OPCML: variants seen among roughly 807,000 people sequenced by gnomAD.
The protein encoded by OPCML is opioid-binding protein/cell adhesion molecule.
In OPCML, 13 loss-of-function variants were observed where a neutral mutation model predicts 37.8. The observed-to-expected ratio is 0.34, with a 90% CI of 0.22 to 0.55. OPCML has a LOEUF of 0.55. Among genes scored for constraint, OPCML ranks in the 20% least tolerant of loss-of-function variants. The probability of loss-of-function intolerance (pLI) is 0.91; values close to 1 mark genes in which losing one functional copy is unlikely to be tolerated. For missense variants in OPCML, 341 were observed against 435.6 expected, an observed-to-expected ratio of 0.78 and a Z score of 1.93; for synonymous variants, 176 against 168.8, an observed-to-expected ratio of 1.04 and a Z score of -0.33.
chr11:133,501,314 G>A (rs1056029248), intron 1 of OPCML, among the ~76,000 whole-genome samples: 1 of 152,130 alleles, frequency 6.6e-6, no homozygotes, highest in African/African-American at 2.4e-5. Flanking sequence ...TGCGGCTAGT[G>A]AAATCCAAAC....
intron 2 of OPCML, among the ~76,000 whole-genome samples, chr11:132,658,809 C>A (rs7102137): frequency 0.014 from 2,084 of 152,322 alleles, 35 homozygotes; most frequent in African/African-American, 0.036. Context: ...CCCAGCACCC[C>A]ATGGTGATTT....
chr11:132,880,142 T>C (rs929897639), intron 2 of OPCML, among the ~76,000 whole-genome samples: 1 of 152,206 alleles, frequency 6.6e-6, no homozygotes, highest in Non-Finnish European at 1.5e-5. Flanking sequence ...ACCTTCTCTC[T>C]TTCAGTTCTT....
At chr11:133,147,160 G>C (rs958857336) in intron 1 of OPCML, among the ~76,000 whole-genome samples, 1 of 152,172 alleles carries the variant, frequency 6.6e-6, no homozygotes, top group South Asian at 2.1e-4. Context: ...AGCTCTTCAG[G>C]GGGGTGTTCC....
At chr11:132,881,362 A>C (rs11223259) in intron 2 of OPCML, among the ~76,000 whole-genome samples, 7 of 152,200 alleles carry the variant, frequency 4.6e-5, no homozygotes, top group Non-Finnish European at 1.0e-4. Context: ...AGCCTCCAGG[A>C]TTGCAGGCCC....
chr11:132,437,510 C>T, intron 4 of OPCML, 151 bp from the exon 5 acceptor site: 3 of 1,446,432 alleles, frequency 2.1e-6, no homozygotes, highest in Non-Finnish European at 2.7e-6. Flanking sequence ...CATCATGTTG[C>T]TCAAAAGATA....
intron 2 of OPCML, among the ~76,000 whole-genome samples, chr11:132,679,235 C>A (rs1179123408): frequency 6.6e-6 from 1 of 152,076 alleles, no homozygotes; most frequent in Non-Finnish European, 1.5e-5. Context: ...CTCAGTAAGT[C>A]TATTCCTAGA....
intron 1 of OPCML, among the ~76,000 whole-genome samples, chr11:133,379,316 C>A (rs938130165): frequency 1.1e-4 from 17 of 152,174 alleles, no homozygotes; most frequent in African/African-American, 4.1e-4. Flanking sequence ...TCTTCTACAC[C>A]CCTGTGCGTC....
chr11:132,859,396 C>T (rs1301210760), intron 2 of OPCML: 2 of 152,178 alleles, frequency 1.3e-5, no homozygotes, highest in African/African-American at 4.8e-5. Context: ...TTTCAATTGC[C>T]TGGACTGTAC....
intron 4 of OPCML, among the ~76,000 whole-genome samples, chr11:132,526,848 C>T (rs776107834): frequency 6.6e-6 from 1 of 152,106 alleles, no homozygotes; most frequent in African/African-American, 2.4e-5. Context: ...ACTTTTCCAA[C>T]ATCCCCCAGA....
At chr11:132,720,632 G>A (rs1591514596) in intron 2 of OPCML, among the ~76,000 whole-genome samples, 1 of 152,162 alleles carries the variant, frequency 6.6e-6, no homozygotes, top group Admixed American at 6.5e-5. Flanking sequence ...TATTTACCCG[G>A]GAATTTATTC....
chr11:132,978,747 T>C (rs893574870), intron 1 of OPCML, among the ~76,000 whole-genome samples: 3 of 152,170 alleles, frequency 2.0e-5, no homozygotes, highest in South Asian at 2.1e-4. Context: ...ATATAATTGC[T>C]ATGCTAATGA....
At chr11:132,545,499 A>G (rs1014447388) in intron 3 of OPCML, among the ~76,000 whole-genome samples, 1 of 152,246 alleles carries the variant, frequency 6.6e-6, no homozygotes, top group Non-Finnish European at 1.5e-5. Context: ...ATTTAATTTA[A>G]TCTTTTCAAA....
intron 2 of OPCML, among the ~76,000 whole-genome samples, chr11:132,682,704 C>T (rs1181555472): frequency 1.3e-5 from 2 of 152,170 alleles, no homozygotes; most frequent in Admixed American, 6.5e-5. Context: ...AACGGAGGAC[C>T]GAGACCTGTG....
At chr11:132,570,148 C>T (rs1431438343) in intron 3 of OPCML, among the ~76,000 whole-genome samples, 2 of 152,148 alleles carry the variant, frequency 1.3e-5, no homozygotes, top group East Asian at 1.9e-4. Flanking sequence ...ATGCCACAGG[C>T]CAAATCTGGC....
intron 1 of OPCML, among the ~76,000 whole-genome samples, chr11:133,330,741 C>T (rs370585598): frequency 9.9e-4 from 150 of 151,914 alleles, no homozygotes; most frequent in East Asian, 8.9e-3. Context: ...TGCTAAATGA[C>T]GAGTTAATGG....
intron 1 of OPCML, among the ~76,000 whole-genome samples, chr11:132,991,447 A>G (rs1038633301): frequency 5.9e-5 from 9 of 152,232 alleles, no homozygotes; most frequent in African/African-American, 2.2e-4. Flanking sequence ...TTCTGCCAGT[A>G]TAATGCAACT....
intron 2 of OPCML, among the ~76,000 whole-genome samples, chr11:132,920,702 T>A (rs145648510): frequency 3.5e-3 from 532 of 152,318 alleles, no homozygotes; most frequent in African/African-American, 0.011. Context: ...CCACCATTAA[T>A]CTTTCGCACT....
At chr11:132,586,996 G>T (rs2096474211) in intron 3 of OPCML, among the ~76,000 whole-genome samples, 1 of 152,222 alleles carries the variant, frequency 6.6e-6, no homozygotes, top group South Asian at 2.1e-4. Context: ...ATACTAATAT[G>T]ATTTGTTTAC....
At chr11:133,363,688 C>T (rs1179956987) in intron 1 of OPCML, among the ~76,000 whole-genome samples, 1 of 152,130 alleles carries the variant, frequency 6.6e-6, no homozygotes, top group Non-Finnish European at 1.5e-5. Flanking sequence ...GGAGGTATGG[C>T]AGGGCCAAAG....
Sources: allele counts gnomAD v4.1 joint callset (sites outside exome capture counted in the v4.1 genomes callset), GRCh38; gene constraint gnomAD v4.1.1; transcripts MANE v1.5; gene names NCBI Gene and HGNC (gene_info 2026-07-23, HGNC 2026-07-21).